Variants in NTPCR observed in about 807,000 individuals in gnomAD.
The protein encoded by NTPCR is cancer-related nucleoside-triphosphatase.
A neutral mutation model predicts 19.5 loss-of-function variants in NTPCR; 15 were observed. The observed-to-expected ratio is 0.77, with a 90% CI of 0.51 to 1.18. The LOEUF (loss-of-function observed/expected upper bound fraction) is 1.18. Among genes scored for constraint, NTPCR ranks in the 50% most tolerant of loss-of-function variants. NTPCR has a pLI of 0.00. For missense variants in NTPCR, 206 were observed against 240.4 expected (o/e 0.86, Z 0.95); for synonymous variants, 90 against 95.8 (o/e 0.94, Z 0.36).
At position 232,978,141 on chromosome 1, in the gene NTPCR, G is replaced by T. The variant is rs200433099; in HGVS notation, c.505-22G>T. 10 of 1,604,916 alleles carry T rather than the reference G, an allele frequency of 6.2e-6. No homozygotes were observed. In the East Asian group the frequency reaches 1.1e-4, roughly 18 times the overall value. On this transcript the variant is annotated intron_variant, in intron 4 of 4. Coordinates refer to ENST00000366628, the MANE Select transcript of NTPCR (RefSeq NM_032324.3). ...GAAGAGGAAAGGAGCTCTGAAGCCTGTTCTCTCACTTCTTCCCACAGGTCA... is the reference window on the plus strand; with the variant it reads ...GAAGAGGAAAGGAGCTCTGAAGCCTTTTCTCTCACTTCTTCCCACAGGTCA...
intron 3 of NTPCR, among the ~76,000 whole-genome samples, chr1:232,957,103 G>A (rs933449777): frequency 1.3e-5 from 2 of 152,148 alleles, no homozygotes; most frequent in African/African-American, 4.8e-5. Context: ...TTACTCAGGC[G>A]TATTTTGTTG....
chr1:232,960,744 G>A (rs1668649488), intron 3 of NTPCR, among the ~76,000 whole-genome samples: 1 of 152,110 alleles, frequency 6.6e-6, no homozygotes, highest in South Asian at 2.1e-4. Flanking sequence ...GACTCAGGAA[G>A]GTTTTTGGAA....
chr1:232,962,787 G>A (rs1668702776), intron 3 of NTPCR: 1 of 152,200 alleles, frequency 6.6e-6, no homozygotes, highest in Admixed American at 6.5e-5. Context: ...AGTCTTTAAA[G>A]TATATTTGTT....
intron 3 of NTPCR, among the ~76,000 whole-genome samples, chr1:232,959,560 T>C (rs373713877): frequency 8.9e-4 from 135 of 152,132 alleles, no homozygotes; most frequent in African/African-American, 3.0e-3. Flanking sequence ...TTTGTCTTTA[T>C]ACTAAAGAAA....
At chr1:232,959,291 G>A (rs542184756) in intron 3 of NTPCR, among the ~76,000 whole-genome samples, 8 of 152,240 alleles carry the variant, frequency 5.3e-5, no homozygotes, top group Non-Finnish European at 1.0e-4. Context: ...CCGCCGCCAC[G>A]TGAAGAATAT....
At chr1:232,976,705 C>T (rs556136598) in intron 4 of NTPCR, 29 of 881,614 alleles carry the variant, frequency 3.3e-5, no homozygotes, top group East Asian at 8.8e-5. Context: ...ACAGGATTGA[C>T]GCAGCCAGGA....
At chr1:232,974,412 A>G (rs1434867410) in intron 4 of NTPCR, among the ~76,000 whole-genome samples, 1 of 152,248 alleles carries the variant, frequency 6.6e-6, no homozygotes, top group Admixed American at 6.5e-5. Flanking sequence ...AGGAAGAAAG[A>G]ACAATGGGAA....
Position 232,980,116 on chromosome 1 carries a change from A to T in NTPCR, c.*1885A>T, listed in dbSNP as rs555291347. On this transcript the variant is annotated 3_prime_UTR_variant, in exon 5 of 5. Coordinates refer to ENST00000366628, the MANE Select transcript of NTPCR (RefSeq NM_032324.3). ...TGATTTTGTCTTAAATGAGAAAGAA[A>T]GCTGGTGAAGGTTATTTCAAAGTTA... The T allele has an allele frequency of 1.3e-5, 2 of 152,364 alleles. No homozygotes were observed. Among genetic ancestry groups the T allele is most frequent in the Non-Finnish European group, 1.5e-5 (1 of 68,058 alleles). 9.4% of individuals were successfully genotyped at this position (152,364 alleles called of 1,614,324 possible).
chr1:232,950,964 AG>A (rs984314849), intron 1 of NTPCR: 14 of 520,870 alleles, frequency 2.7e-5, no homozygotes, highest in Non-Finnish European at 4.7e-5. Flanking sequence ...CACACTTGTG[AG>A]GGGGTCCTAG....
chr1:232,963,618 T>C (rs550291389), intron 3 of NTPCR: 4 of 152,324 alleles, frequency 2.6e-5, no homozygotes, highest in African/African-American at 7.2e-5. Context: ...TAGGAGGAAG[T>C]TCATACGGGG....
intron 3 of NTPCR, chr1:232,961,860 T>G (rs1436781422): frequency 6.6e-6 from 1 of 152,242 alleles, no homozygotes; most frequent in Non-Finnish European, 1.5e-5. Flanking sequence ...AATTAGTTTT[T>G]TATGCTTAAT....
rs1188991551 is a variant in NTPCR, at chr1:232,982,577, G to C, written c.*4346G>C. 6.6e-6 allele frequency: 1 copy of C among 152,266 alleles called. No homozygotes were observed. Among genetic ancestry groups the C allele is most frequent in the Non-Finnish European group, 1.5e-5 (1 of 68,054 alleles). The allele number at this position is 152,266 out of a possible 1,614,324, so 9.4% of individuals were successfully genotyped here. On this transcript the variant is annotated 3_prime_UTR_variant, in exon 5 of 5. Transcript: ENST00000366628. ...GAAGCACCTCATGAACCTCCCCAGA[G>C]AAACGGGATGGAGGAGCACCCAGGG... is the stretch of plus-strand genomic sequence containing the variant.
chr1:232,950,678 C>A lies in NTPCR; in HGVS notation c.-33C>A. On this transcript the variant is annotated 5_prime_UTR_variant, in exon 1 of 5. Coordinates refer to ENST00000366628, the MANE Select transcript of NTPCR (RefSeq NM_032324.3). ...ATTGCGACCCCAACCTGGACTGCTC[C>A]CCTGACCGCAACCCCTACCCCCGCC... 2.5e-6 allele frequency: 4 copies of A among 1,594,794 alleles called. No individual in the cohort carries two copies. Among genetic ancestry groups the A allele is most frequent in the Non-Finnish European group, 2.6e-6 (3 of 1,163,656 alleles).
intron 1 of NTPCR, among the ~76,000 whole-genome samples, chr1:232,955,049 T>C (rs1455799429): frequency 1.3e-5 from 2 of 152,214 alleles, no homozygotes; most frequent in Non-Finnish European, 2.9e-5. Context: ...AGAGACACAT[T>C]TTCAGGAGTT....
rs1668845821 is a variant in NTPCR, at chr1:232,967,208, A to G, written c.295-2701A>G. The G allele has an allele frequency of 4.6e-5, 7 of 152,212 alleles. No homozygotes were observed. The South Asian group carries it at 1.2e-3, about 27-fold the overall frequency. The allele number at this position is 152,212 out of a possible 1,614,324, so 9.4% of individuals were successfully genotyped here. ...TTGCTTGAATTTATATAGAAATAAA[A>G]CCATGTTACACGTTATAGTGGTTCT... On this transcript the variant is annotated intron_variant, in intron 3 of 4. Coordinates refer to ENST00000366628, the MANE Select transcript of NTPCR (RefSeq NM_032324.3).
At position 232,961,284 on chromosome 1, in the gene NTPCR, G is replaced by T. The variant is rs544992467; in HGVS notation, c.294+4841G>T. Among the ~76,000 whole-genome samples, 3 of 152,304 alleles carry T rather than the reference G, an allele frequency of 2.0e-5. No individual in the cohort carries two copies. In the East Asian group the frequency reaches 5.8e-4, roughly 29 times the overall value. Reference sequence around the variant, plus strand: ...AGCCATGATTGTTTCCCTGGGGAGGGTCTAAAAGGTGAAGTCTGAGATGGT... The same window carrying T: ...AGCCATGATTGTTTCCCTGGGGAGGTTCTAAAAGGTGAAGTCTGAGATGGT... On this transcript the variant is annotated intron_variant, in intron 3 of 4. Coordinates refer to ENST00000366628, the MANE Select transcript of NTPCR (RefSeq NM_032324.3).
Position 232,950,853 on chromosome 1 carries a change from T to A in NTPCR, c.34+109T>A. 3 of 675,442 alleles carry A rather than the reference T, an allele frequency of 4.4e-6. No individual in the cohort carries two copies. The South Asian group carries it at 5.7e-5, about 13-fold the overall frequency. The allele number at this position is 675,442 out of a possible 1,614,324, so 41.8% of individuals were successfully genotyped here. A position where few individuals can be genotyped will look rare whatever the true frequency, so the allele number is the denominator to read the frequency against. Reference sequence around the variant, plus strand: ...GGTCTCCGGCTCCAGGGCTCCGGCCTCTGAAGTTCCCAATTTAAATGGCGG... The same window carrying A: ...GGTCTCCGGCTCCAGGGCTCCGGCCACTGAAGTTCCCAATTTAAATGGCGG... On this transcript the variant is annotated intron_variant, in intron 1 of 4. Coordinates refer to ENST00000366628, the MANE Select transcript of NTPCR (RefSeq NM_032324.3).
chr1:232,971,206 C>T (rs1489928859), intron 4 of NTPCR, among the ~76,000 whole-genome samples: 2 of 152,154 alleles, frequency 1.3e-5, no homozygotes, highest in Non-Finnish European at 2.9e-5. Context: ...GGTAGCTGTG[C>T]TCTTGGCTGA....
chr1:232,968,742 T>C (rs1275775029), intron 3 of NTPCR: 1 of 152,244 alleles, frequency 6.6e-6, no homozygotes, highest in Admixed American at 6.5e-5. Context: ...CTGTCATCAT[T>C]TAAGGAATCA....
Sources: allele counts gnomAD v4.1 joint callset (sites outside exome capture counted in the v4.1 genomes callset), GRCh38; gene constraint gnomAD v4.1.1; transcripts MANE v1.5; gene names NCBI Gene and HGNC (gene_info 2026-07-23, HGNC 2026-07-21).